Variants in KCNJ4 observed in about 807,000 individuals in gnomAD.
The protein encoded by KCNJ4 is inward rectifier potassium channel 4.
In KCNJ4, 3 loss-of-function variants were observed where a neutral mutation model predicts 25.6. The observed-to-expected ratio is 0.12, with a 90% CI of 0.05 to 0.30. The LOEUF (loss-of-function observed/expected upper bound fraction) is 0.30. KCNJ4 is among the 10% of genes least tolerant of loss of function. The pLI is 1.00. For synonymous variants in KCNJ4, 257 were observed against 283.9 expected (o/e 0.91, Z 0.95); for missense variants, 286 against 666.8 (o/e 0.43, Z 6.29).
chr22:38,429,772 G>C (rs553476618), intron 1 of KCNJ4, among the ~76,000 whole-genome samples: 2 of 152,340 alleles, frequency 1.3e-5, no homozygotes, highest in African/African-American at 4.8e-5. Context: ...CCAGGCCCCA[G>C]CAGCTGGCAG....
intron 1 of KCNJ4, among the ~76,000 whole-genome samples, chr22:38,431,121 G>C (rs557596653): frequency 6.6e-6 from 1 of 152,358 alleles, no homozygotes; most frequent in East Asian, 1.9e-4. Context: ...CTGAGCTCCA[G>C]AGAAGGTGGG....
intron 1 of KCNJ4, among the ~76,000 whole-genome samples, chr22:38,434,141 G>A (rs1602635863): frequency 6.6e-6 from 1 of 152,200 alleles, no homozygotes; most frequent in East Asian, 1.9e-4. Flanking sequence ...CTTTAGACAG[G>A]AGCAGGAAGC....
chr22:38,447,563 G>C (rs1379819428), intron 1 of KCNJ4, among the ~76,000 whole-genome samples: 2 of 152,114 alleles, frequency 1.3e-5, no homozygotes, highest in Admixed American at 1.3e-4. Flanking sequence ...TCAGGCCTAT[G>C]AGGAGAGGGG....
chr22:38,440,457 G>A (rs1308182377), intron 1 of KCNJ4, among the ~76,000 whole-genome samples: 7 of 151,982 alleles, frequency 4.6e-5, no homozygotes, highest in Non-Finnish European at 7.4e-5. Flanking sequence ...CAGGAGAATC[G>A]CTTGAACCCA....
At chr22:38,432,965 C>T (rs940009184) in intron 1 of KCNJ4, among the ~76,000 whole-genome samples, 9 of 151,744 alleles carry the variant, frequency 5.9e-5, no homozygotes, top group African/African-American at 1.9e-4. Flanking sequence ...AGCAAGACTC[C>T]ATCTCAAAAA....
intron 1 of KCNJ4, among the ~76,000 whole-genome samples, chr22:38,444,850 T>C (rs891599447): frequency 1.3e-5 from 2 of 152,118 alleles, no homozygotes; most frequent in African/African-American, 2.4e-5. Flanking sequence ...ATCCATCCAT[T>C]CATTCATCAC....
Position 38,427,845 on chromosome 22 carries a change from C to G in KCNJ4, c.288G>C (p.Ala96=), listed in dbSNP as rs764694400. ...DLEASPGVPA[A]GGPAAGGGGA... ...CGCCACCACCCGCCGCCGGGCCCCC[C>G]GCCGCAGGCACCCCTGGGCTGGCCT... The change falls in exon 2 of 2, where the codon GCG becomes GCC. Residue 96 remains alanine (A), a synonymous_variant. Coordinates refer to ENST00000303592, the MANE Select transcript of KCNJ4 (RefSeq NM_152868.3). The G allele has an allele frequency of 6.2e-7, 1 of 1,609,976 alleles. No homozygotes were observed. Among genetic ancestry groups the G allele is most frequent in the Non-Finnish European group, 8.5e-7 (1 of 1,178,036 alleles).
intron 1 of KCNJ4, among the ~76,000 whole-genome samples, chr22:38,429,991 G>A (rs1209684015): frequency 6.6e-6 from 1 of 152,202 alleles, no homozygotes; most frequent in Non-Finnish European, 1.5e-5. Context: ...CTCAGAGCCT[G>A]CCTCTTCCCA....
In KCNJ4 at chr22:38,431,851, C is replaced by T. The variant is rs553729523; in HGVS notation, c.-39-3680G>A. On this transcript the variant is annotated intron_variant, in intron 1 of 1. Coordinates refer to ENST00000303592, the MANE Select transcript of KCNJ4 (RefSeq NM_152868.3). ...AACCACCAGGAGATGGCCAGATTTTCTCTTCCTTGTCACATGGGGCTTCCC... is the reference window on the plus strand; with the variant it reads ...AACCACCAGGAGATGGCCAGATTTTTTCTTCCTTGTCACATGGGGCTTCCC... 3.9e-5 allele frequency among the ~76,000 whole-genome samples: 6 copies of T among 152,286 alleles called. No homozygotes were observed. The East Asian group carries it at 1.2e-3, about 29-fold the overall frequency.
intron 1 of KCNJ4, among the ~76,000 whole-genome samples, chr22:38,434,984 G>A (rs1441039721): frequency 6.6e-6 from 1 of 152,184 alleles, no homozygotes; most frequent in Non-Finnish European, 1.5e-5. Flanking sequence ...AACTGATGTT[G>A]ATAATGGTGA....
chr22:38,452,621 C>A (rs924178179), intron 1 of KCNJ4, among the ~76,000 whole-genome samples: 1 of 152,094 alleles, frequency 6.6e-6, no homozygotes, highest in African/African-American at 2.4e-5. Context: ...AGAAGAGAGA[C>A]GACAGATTGC....
intron 1 of KCNJ4, among the ~76,000 whole-genome samples, chr22:38,454,420 G>A (rs1168787223): frequency 1.3e-5 from 2 of 152,078 alleles, no homozygotes; most frequent in African/African-American, 4.8e-5. Context: ...GGAGGAAAAA[G>A]CAGCCTCTGC....
intron 1 of KCNJ4, among the ~76,000 whole-genome samples, chr22:38,429,677 C>T (rs966280401): frequency 6.6e-5 from 10 of 152,258 alleles, no homozygotes; most frequent in African/African-American, 1.7e-4. Flanking sequence ...CACTGGGTGG[C>T]GGGATGCGCC....
intron 1 of KCNJ4, among the ~76,000 whole-genome samples, chr22:38,452,988 C>T (rs916835553): frequency 1.3e-5 from 2 of 151,876 alleles, no homozygotes; most frequent in South Asian, 2.1e-4. Context: ...CAGTGGTCCC[C>T]GCAGAGGGGC....
intron 1 of KCNJ4, among the ~76,000 whole-genome samples, chr22:38,431,358 G>A (rs1202794701): frequency 2.0e-5 from 3 of 152,104 alleles, no homozygotes; most frequent in Non-Finnish European, 4.4e-5. Flanking sequence ...CCCCATTATC[G>A]AGTGCCCAGG....
At chr22:38,452,594 G>A (rs555213548) in intron 1 of KCNJ4, among the ~76,000 whole-genome samples, 5 of 152,238 alleles carry the variant, frequency 3.3e-5, no homozygotes, top group East Asian at 3.9e-4. Context: ...CTCGGCTTTC[G>A]TCCCGGTGCC....
chr22:38,429,214 C>T (rs529564678), intron 1 of KCNJ4, among the ~76,000 whole-genome samples: 204 of 152,308 alleles, frequency 1.3e-3, no homozygotes, highest in Middle Eastern at 3.4e-3. Flanking sequence ...AATTCCTGCC[C>T]AGTGCCCACA....
chr22:38,439,132 T>C (rs936881434), intron 1 of KCNJ4, among the ~76,000 whole-genome samples: 2 of 152,136 alleles, frequency 1.3e-5, no homozygotes, highest in Non-Finnish European at 2.9e-5. Flanking sequence ...TAGTCCCAGC[T>C]ACTCAGGAGG....
intron 1 of KCNJ4, among the ~76,000 whole-genome samples, chr22:38,450,601 GCCA>G (rs1268032655): frequency 1.3e-5 from 2 of 152,070 alleles, no homozygotes; most frequent in East Asian, 3.9e-4. Context: ...CACACCTCAT[GCCA>G]CCACCGTCAG....
Sources: allele counts gnomAD v4.1 joint callset (sites outside exome capture counted in the v4.1 genomes callset), GRCh38; gene constraint gnomAD v4.1.1; transcripts MANE v1.5; gene names NCBI Gene and HGNC (gene_info 2026-07-23, HGNC 2026-07-21).